SH3BGRL: variants seen among roughly 807,000 people sequenced by gnomAD.
SH3BGRL encodes adapter SH3BGRL.
SH3BGRL carries 7 observed loss-of-function variants against 9.8 expected under a neutral mutation model. The ratio of observed to expected loss-of-function variants is 0.72; its 90% CI spans 0.41 to 1.35. The LOEUF (loss-of-function observed/expected upper bound fraction) is 1.35. SH3BGRL is among the 40% of genes most tolerant of loss of function. SH3BGRL has a pLI of 0.01. For synonymous variants in SH3BGRL, 36 were observed against 29.1 expected, an observed-to-expected ratio of 1.24 and a Z score of -0.76; for missense variants, 73 against 84.4, an observed-to-expected ratio of 0.86 and a Z score of 0.53.
At chrX:81,262,896 C>T (rs988746045) in intron 1 of SH3BGRL, among the ~76,000 whole-genome samples, 11 of 111,482 alleles carry the variant, frequency 9.9e-5, no homozygotes, top group South Asian at 3.7e-4. Flanking sequence ...TGTGTCCAGC[C>T]CTGTGGTGAG....
intron 3 of SH3BGRL, among the ~76,000 whole-genome samples, chrX:81,279,060 C>T (rs945948773): frequency 2.9e-4 from 33 of 112,084 alleles, no homozygotes; most frequent in African/African-American, 9.1e-4. Context: ...AATCAAAATG[C>T]GTGTCTCTTG....
At chrX:81,245,973 T>A (rs778992094) in intron 1 of SH3BGRL, among the ~76,000 whole-genome samples, 2 of 112,063 alleles carry the variant, frequency 1.8e-5, no homozygotes, top group Admixed American at 1.9e-4. Flanking sequence ...CTCCACAGCC[T>A]CGCCAGCTTT....
intron 1 of SH3BGRL, among the ~76,000 whole-genome samples, chrX:81,207,107 A>G (rs1422747788): frequency 8.9e-6 from 1 of 112,095 alleles, no homozygotes; most frequent in African/African-American, 3.2e-5. Flanking sequence ...TTGGCCTAGG[A>G]TGAGAATTGC....
chrX:81,270,705 G>A (rs942775004), intron 1 of SH3BGRL, among the ~76,000 whole-genome samples: 4 of 112,178 alleles, frequency 3.6e-5, no homozygotes, highest in African/African-American at 1.3e-4. Context: ...TGAGGAGGCA[G>A]TCTGTCTGTT....
chrX:81,216,960 T>C (rs1477089683), intron 1 of SH3BGRL, among the ~76,000 whole-genome samples: 1 of 110,371 alleles, frequency 9.1e-6, no homozygotes, highest in Non-Finnish European at 1.9e-5. Flanking sequence ...TACCCAGCAG[T>C]AGGGTGGCTG....
At chrX:81,259,380 C>T (rs1385642458) in intron 1 of SH3BGRL, among the ~76,000 whole-genome samples, 1 of 111,649 alleles carries the variant, frequency 9.0e-6, no homozygotes, top group African/African-American at 3.3e-5. Context: ...TCTTAATGGT[C>T]CTTATAACTA....
At chrX:81,226,037 C>T (rs60729721) in intron 1 of SH3BGRL, among the ~76,000 whole-genome samples, 18 of 111,481 alleles carry the variant, frequency 1.6e-4, no homozygotes, top group African/African-American at 5.2e-4. Context: ...TCCTATCTAA[C>T]GGTAGTTTTA....
intron 1 of SH3BGRL, among the ~76,000 whole-genome samples, chrX:81,226,506 ATC>A (rs1183132226): frequency 5.8e-5 from 6 of 103,171 alleles, no homozygotes; most frequent in African/African-American, 1.8e-4. Flanking sequence ...ATATATATAT[ATC>A]TATATATATA....
chrX:81,260,845 CATT>C (rs2075739058), intron 1 of SH3BGRL, among the ~76,000 whole-genome samples: 1 of 110,982 alleles, frequency 9.0e-6, no homozygotes, highest in Non-Finnish European at 1.9e-5. Flanking sequence ...TAGCTCCTAA[CATT>C]ATTAGGCAGG....
chrX:81,277,712 G>T (rs186116350), intron 2 of SH3BGRL, among the ~76,000 whole-genome samples: 211 of 112,050 alleles, frequency 1.9e-3, no homozygotes, highest in African/African-American at 6.3e-3. Flanking sequence ...CTTCTTACTG[G>T]GAAATAGGTG....
At chrX:81,294,192 G>A (rs1241093476) in intron 3 of SH3BGRL, among the ~76,000 whole-genome samples, 1 of 111,576 alleles carries the variant, frequency 9.0e-6, no homozygotes, top group African/African-American at 3.3e-5. Flanking sequence ...GTAATGAGGA[G>A]CCAATTATTA....
At chrX:81,292,648 C>T (rs779318428) in intron 3 of SH3BGRL, among the ~76,000 whole-genome samples, 10 of 112,531 alleles carry the variant, frequency 8.9e-5, no homozygotes, top group South Asian at 3.7e-4. Context: ...TTCTACCATA[C>T]GGTTAGGTTT....
intron 3 of SH3BGRL, among the ~76,000 whole-genome samples, chrX:81,286,712 A>T (rs2075835701): frequency 9.1e-6 from 1 of 110,270 alleles, no homozygotes; most frequent in Non-Finnish European, 1.9e-5. Context: ...TGAAGCTGAA[A>T]TTTTAGCCCA....
intron 1 of SH3BGRL, among the ~76,000 whole-genome samples, chrX:81,270,445 C>A (rs2075774378): frequency 1.8e-5 from 2 of 111,989 alleles, no homozygotes; most frequent in Non-Finnish European, 3.8e-5. Flanking sequence ...GATGCTATTC[C>A]TTTCTGTTTG....
intron 3 of SH3BGRL, among the ~76,000 whole-genome samples, chrX:81,295,525 C>T (rs1429721981): frequency 9.0e-6 from 1 of 111,305 alleles, no homozygotes; most frequent in Non-Finnish European, 1.9e-5. Context: ...CTCTTTTTCT[C>T]CCTCGTCTTG....
intron 3 of SH3BGRL, among the ~76,000 whole-genome samples, chrX:81,296,428 C>A (rs1383862993): frequency 9.0e-6 from 1 of 111,428 alleles, no homozygotes; most frequent in African/African-American, 3.3e-5. Context: ...TCTACTTTTG[C>A]CTTTTTTGGG....
chrX:81,289,850 T>A (rs906972953), intron 3 of SH3BGRL, among the ~76,000 whole-genome samples: 1 of 111,614 alleles, frequency 9.0e-6, no homozygotes, highest in African/African-American at 3.3e-5. Flanking sequence ...AGAGTGAGAC[T>A]GCCTCAAACA....
intron 3 of SH3BGRL, among the ~76,000 whole-genome samples, chrX:81,279,932 G>A (rs1473251529): frequency 2.7e-5 from 3 of 111,454 alleles, no homozygotes; most frequent in Non-Finnish European, 5.7e-5. Context: ...GGATAGCCTT[G>A]GGTGAATTTT....
chrX:81,265,755 C>G (rs2075755097), intron 1 of SH3BGRL, among the ~76,000 whole-genome samples: 3 of 111,939 alleles, frequency 2.7e-5, no homozygotes. Context: ...AATGGTATTT[C>G]TAGTTCTAGA....
Sources: gnomAD v4.1 joint callset for allele counts (sites outside exome capture counted in the v4.1 genomes callset) on GRCh38, gnomAD v4.1.1 for gene constraint, MANE v1.5 for transcripts, NCBI Gene and HGNC (gene_info 2026-07-23, HGNC 2026-07-21) for gene names.